TBL1XR1: variants seen among roughly 807,000 people sequenced by gnomAD.
TBL1XR1 encodes TBL1X/Y related 1, also known as F-box-like/WD repeat-containing protein TBL1XR1.
TBL1XR1 carries 5 observed loss-of-function variants against 66.9 expected under a neutral mutation model. That is an observed-to-expected ratio of 0.07 (90% CI 0.04 to 0.16). TBL1XR1 has a LOEUF of 0.16. Ranked by LOEUF, TBL1XR1 falls within the 10% of genes least tolerant of loss-of-function variation. The pLI, the probability that TBL1XR1 is intolerant of heterozygous loss-of-function variation, is 1.00. For missense variants in TBL1XR1, 238 were observed against 623.2 expected (o/e 0.38, Z 6.58); for synonymous variants, 210 against 206.0 (o/e 1.02, Z -0.17).
intron 1 of TBL1XR1, among the ~76,000 whole-genome samples, chr3:177,177,419 C>G (rs914373555): frequency 6.6e-6 from 1 of 152,122 alleles, no homozygotes; most frequent in Non-Finnish European, 1.5e-5. Flanking sequence ...CACTGCACTC[C>G]AGCCTAGGCG....
chr3:177,167,603 A>G (rs1021469973), intron 1 of TBL1XR1, among the ~76,000 whole-genome samples: 2 of 152,158 alleles, frequency 1.3e-5, no homozygotes, highest in Non-Finnish European at 2.9e-5. Flanking sequence ...CTTTCTCTCA[A>G]TTTTATTGTG....
At chr3:177,072,092 A>T (rs1462215491) in intron 2 of TBL1XR1, among the ~76,000 whole-genome samples, 2 of 152,214 alleles carry the variant, frequency 1.3e-5, no homozygotes, top group African/African-American at 4.8e-5. Context: ...ATTTCTTAAT[A>T]GAATAGTACC....
At chr3:177,155,432 T>C (rs1014545042) in intron 1 of TBL1XR1, among the ~76,000 whole-genome samples, 8 of 152,142 alleles carry the variant, frequency 5.3e-5, no homozygotes, top group East Asian at 1.9e-4. Context: ...TTGAAAGACA[T>C]GAGTTACCAA....
At chr3:177,182,134 C>T (rs892676093) in intron 1 of TBL1XR1, among the ~76,000 whole-genome samples, 2 of 152,100 alleles carry the variant, frequency 1.3e-5, no homozygotes, top group African/African-American at 4.8e-5. Flanking sequence ...CTATTGTAAT[C>T]CCAGCAGTTT....
chr3:177,060,471 T>C (rs1230200998), intron 3 of TBL1XR1, among the ~76,000 whole-genome samples: 1 of 152,158 alleles, frequency 6.6e-6, no homozygotes, highest in East Asian at 1.9e-4. Flanking sequence ...AAGTACAATA[T>C]AAATGGAGAA....
At chr3:177,164,439 T>A (rs1170133978) in intron 1 of TBL1XR1, among the ~76,000 whole-genome samples, 1 of 151,520 alleles carries the variant, frequency 6.6e-6, no homozygotes, top group Non-Finnish European at 1.5e-5. Context: ...AACCTCCATC[T>A]CCCGGGTTGA....
At chr3:177,151,909 AGCTACTCAGGAG>A (rs1318606228) in intron 1 of TBL1XR1, among the ~76,000 whole-genome samples, 1 of 152,134 alleles carries the variant, frequency 6.6e-6, no homozygotes, top group East Asian at 1.9e-4. Context: ...CCGTAATCCC[AGCTACTCAGGAG>A]GCTGAGGCAG....
At chr3:177,101,487 G>A (rs993705262) in intron 1 of TBL1XR1, among the ~76,000 whole-genome samples, 2 of 152,168 alleles carry the variant, frequency 1.3e-5, no homozygotes, top group East Asian at 3.9e-4. Context: ...GGGCCTTTGA[G>A]AGGAATTAGT....
intron 1 of TBL1XR1, among the ~76,000 whole-genome samples, chr3:177,162,620 C>T (rs551897290): frequency 2.6e-5 from 4 of 152,226 alleles, no homozygotes; most frequent in South Asian, 2.1e-4. Flanking sequence ...GCTGTTAAAA[C>T]TCATCAAAAC....
chr3:177,053,698 TAAGC>T, intron 4 of TBL1XR1, 71 bp downstream of exon 4: 1 of 1,409,890 alleles, frequency 7.1e-7, no homozygotes, highest in Non-Finnish European at 9.8e-7. Flanking sequence ...GAATACTGAA[TAAGC>T]AAGCAAGACA....
intron 1 of TBL1XR1, among the ~76,000 whole-genome samples, chr3:177,126,699 A>C (rs1357902510): frequency 6.6e-6 from 1 of 152,212 alleles, no homozygotes; most frequent in Non-Finnish European, 1.5e-5. Context: ...CCTACTAACA[A>C]GCATTTTCAT....
rs1461645472 is a variant in TBL1XR1, at chr3:177,071,852, T to C, written c.-45-6830A>G. Among the ~76,000 whole-genome samples, 2 of 152,146 alleles carry C rather than the reference T, an allele frequency of 1.3e-5. 1 individual carries two copies. The highest frequency in any genetic ancestry group is 2.9e-5 in the Non-Finnish European group (2 of 68,032). ...ATTGAAAACTAGGAGAAATCCACCATGAAAGTCTCATAGGTCAATTTCACA... is the reference window on the plus strand; with the variant it reads ...ATTGAAAACTAGGAGAAATCCACCACGAAAGTCTCATAGGTCAATTTCACA... On this transcript the variant is annotated intron_variant, in intron 2 of 15. Transcript: ENST00000457928.
At chr3:177,069,255 T>A (rs538589667) in intron 2 of TBL1XR1, among the ~76,000 whole-genome samples, 1 of 152,280 alleles carries the variant, frequency 6.6e-6, no homozygotes, top group East Asian at 1.9e-4. Flanking sequence ...AAAGCATTTT[T>A]ATAGGCCTAA....
intron 10 of TBL1XR1, chr3:177,041,096 T>C (rs1463434874): frequency 1.3e-5 from 2 of 152,212 alleles, no homozygotes; most frequent in Non-Finnish European, 2.9e-5. Flanking sequence ...GCTGAGTAAG[T>C]TGCAGGCTGT....
chr3:177,108,999 A>G (rs1725226810), intron 1 of TBL1XR1, among the ~76,000 whole-genome samples: 2 of 152,188 alleles, frequency 1.3e-5, no homozygotes, highest in African/African-American at 4.8e-5. Context: ...TGGGATAAGG[A>G]TATCTGGATA....
chr3:177,043,026 A>G (rs1715814993), intron 10 of TBL1XR1, among the ~76,000 whole-genome samples: 1 of 152,184 alleles, frequency 6.6e-6, no homozygotes, highest in Non-Finnish European at 1.5e-5. Context: ...AGTCAAATAT[A>G]AAACTTTCTA....
At chr3:177,043,564 T>G (rs1250670499) in intron 10 of TBL1XR1, among the ~76,000 whole-genome samples, 1 of 152,200 alleles carries the variant, frequency 6.6e-6, no homozygotes, top group Non-Finnish European at 1.5e-5. Flanking sequence ...TTTTACATCA[T>G]TTTATTTTCA....
chr3:177,137,596 C>A lies in TBL1XR1; in HGVS notation c.-121-39055G>T, dbSNP rs552980222. On this transcript the variant is annotated intron_variant, in intron 1 of 15. Coordinates refer to ENST00000457928, the MANE Select transcript of TBL1XR1 (RefSeq NM_024665.7). Reference sequence around the variant, plus strand: ...TTTACAGTCATAAATTAGCCAATTACAGTTCAAGGCAGACAAATGTATCTA... The same window carrying A: ...TTTACAGTCATAAATTAGCCAATTAAAGTTCAAGGCAGACAAATGTATCTA... Among the ~76,000 whole-genome samples, 196 of 152,304 alleles carry A rather than the reference C, an allele frequency of 1.3e-3. 1 individual carries two copies. The highest frequency in any genetic ancestry group is 1.3e-3 in the Non-Finnish European group (88 of 68,036).
chr3:177,116,079 C>A (rs2108742117), intron 1 of TBL1XR1, among the ~76,000 whole-genome samples: 1 of 152,238 alleles, frequency 6.6e-6, no homozygotes, highest in Non-Finnish European at 1.5e-5. Context: ...AGGCAATAAA[C>A]CTGATGGAAT....
Sources: gnomAD v4.1 joint callset for allele counts (sites outside exome capture counted in the v4.1 genomes callset) on GRCh38, gnomAD v4.1.1 for gene constraint, MANE v1.5 for transcripts, NCBI Gene and HGNC (gene_info 2026-07-23, HGNC 2026-07-21) for gene names.